The following STXBP6 variants were observed in gnomAD, a reference collection of about 807,000 sequenced individuals.
The protein encoded by STXBP6 is syntaxin-binding protein 6.
In STXBP6, 21 loss-of-function variants were observed where a neutral mutation model predicts 26.9. The observed-to-expected ratio is 0.78, with a 90% CI of 0.55 to 1.12. The LOEUF is 1.12. Among genes scored for constraint, STXBP6 ranks in the 50% most tolerant of loss-of-function variants. The pLI is 0.00. For synonymous variants in STXBP6, 97 were observed against 92.6 expected (o/e 1.05, Z -0.27); for missense variants, 232 against 257.9 (o/e 0.90, Z 0.69).
intron 5 of STXBP6, chr14:24,816,253 G>C (rs2067971638): frequency 6.6e-6 from 1 of 150,880 alleles, no homozygotes; most frequent in South Asian, 2.2e-4. Context: ...CTTGTCTAGG[G>C]GGTAGAATGC....
intron 1 of STXBP6, among the ~76,000 whole-genome samples, chr14:25,014,950 G>A (rs1172070507): frequency 6.6e-6 from 1 of 152,070 alleles, no homozygotes; most frequent in Non-Finnish European, 1.5e-5. Flanking sequence ...TATTTTAAAT[G>A]TTGGAGAATA....
chr14:25,043,874 G>C (rs2075681751), intron 1 of STXBP6, among the ~76,000 whole-genome samples: 1 of 152,052 alleles, frequency 6.6e-6, no homozygotes, highest in African/African-American at 2.4e-5. Context: ...TTCCACTTTA[G>C]GGCTATTAAG....
intron 4 of STXBP6, among the ~76,000 whole-genome samples, chr14:24,843,037 G>C (rs2068833282): frequency 6.6e-6 from 1 of 152,060 alleles, no homozygotes; most frequent in African/African-American, 2.4e-5. Context: ...CTCTCTAATG[G>C]GGCAGGGGGA....
chr14:24,819,081 C>T lies in STXBP6; in HGVS notation c.565G>A (p.Asp189Asn). 2 of 1,612,892 alleles carry T rather than the reference C, an allele frequency of 1.2e-6. No individual in the cohort carries two copies. Among genetic ancestry groups the T allele is most frequent in the Non-Finnish European group, 8.5e-7 (1 of 1,179,144 alleles). The change falls in exon 5 of 6, where the codon GAC (aspartate) becomes AAC (asparagine). Residue 189 changes from aspartate to asparagine, a missense_variant. Physicochemically the swap from Asp to Asn is conservative, Grantham distance 23 (BLOSUM62 1). Coordinates refer to ENST00000323944, the MANE Select transcript of STXBP6 (RefSeq NM_001394410.1). ...AACTGCTGGGCGCTGTTCTTCAGGT[C>T]TTCTGTCTTCTCCTCTGCTCGGCCT... ...RLGRAEEKTE[D>N]LKNSAQQFAE...
chr14:24,914,434 T>C (rs1171485879), intron 2 of STXBP6, among the ~76,000 whole-genome samples: 1 of 152,232 alleles, frequency 6.6e-6, no homozygotes, highest in Non-Finnish European at 1.5e-5. Flanking sequence ...GCTACTGTAA[T>C]AATTTATTAT....
chr14:24,866,948 A>G (rs1272975), intron 2 of STXBP6, among the ~76,000 whole-genome samples: 137,642 of 152,078 alleles, frequency 0.91, 63,211 homozygotes, highest in East Asian at 1. Context: ...CTAGAAGAGC[A>G]AAAACAACTG....
At chr14:24,874,114 A>T (rs1194732730) in intron 2 of STXBP6, among the ~76,000 whole-genome samples, 6 of 151,962 alleles carry the variant, frequency 3.9e-5, no homozygotes, top group African/African-American at 1.5e-4. Context: ...TTTTTAAGAG[A>T]TGGAGGAAGA....
chr14:24,842,663 C>CTT (rs145788222), intron 4 of STXBP6, among the ~76,000 whole-genome samples: 2 of 148,410 alleles, frequency 1.3e-5, no homozygotes, highest in African/African-American at 4.9e-5. Context: ...TTACTTTTCT[C>CTT]TTTTTTTTTT....
intron 2 of STXBP6, among the ~76,000 whole-genome samples, chr14:24,932,832 T>C (rs2072464647): frequency 6.6e-6 from 1 of 152,090 alleles, no homozygotes; most frequent in Non-Finnish European, 1.5e-5. Context: ...CTATTGTCAT[T>C]TGAGGTAAAA....
At chr14:24,964,176 G>T (rs1453803271) in intron 2 of STXBP6, among the ~76,000 whole-genome samples, 1 of 151,906 alleles carries the variant, frequency 6.6e-6, no homozygotes, top group Non-Finnish European at 1.5e-5. Context: ...AAAGCACTGG[G>T]AACAGAAAGG....
At chr14:24,848,403 T>C (rs2069035100) in intron 4 of STXBP6, among the ~76,000 whole-genome samples, 1 of 152,170 alleles carries the variant, frequency 6.6e-6, no homozygotes, top group Non-Finnish European at 1.5e-5. Flanking sequence ...TCAAGCTGTA[T>C]ATTTATGTCT....
intron 1 of STXBP6, among the ~76,000 whole-genome samples, chr14:25,014,174 G>A (rs760271358): frequency 6.6e-6 from 1 of 152,160 alleles, no homozygotes; most frequent in Non-Finnish European, 1.5e-5. Flanking sequence ...GTACTCCTGT[G>A]TACGTTTGAA....
At chr14:25,008,971 C>T (rs886638068) in intron 1 of STXBP6, among the ~76,000 whole-genome samples, 6 of 152,070 alleles carry the variant, frequency 3.9e-5, no homozygotes, top group Admixed American at 2.0e-4. Flanking sequence ...CTCAGCCAGC[C>T]CACCAGCCAG....
chr14:25,026,317 A>G (rs1299959447), intron 1 of STXBP6, among the ~76,000 whole-genome samples: 3 of 152,298 alleles, frequency 2.0e-5, no homozygotes, highest in Non-Finnish European at 4.4e-5. Context: ...CTGAAAAAAA[A>G]GCTTAGAGAC....
At chr14:24,981,559 G>A (rs1244604306) in intron 1 of STXBP6, among the ~76,000 whole-genome samples, 1 of 152,088 alleles carries the variant, frequency 6.6e-6, no homozygotes, top group Non-Finnish European at 1.5e-5. Flanking sequence ...TGCGTGCCCA[G>A]CCCAGATATG....
At chr14:25,025,912 C>T (rs2075341154) in intron 1 of STXBP6, among the ~76,000 whole-genome samples, 1 of 152,140 alleles carries the variant, frequency 6.6e-6, no homozygotes, top group African/African-American at 2.4e-5. Context: ...AAATAAGGTC[C>T]TGCAAAAATT....
chr14:24,946,542 G>A (rs1478810128), intron 2 of STXBP6, among the ~76,000 whole-genome samples: 1 of 152,166 alleles, frequency 6.6e-6, no homozygotes, highest in East Asian at 1.9e-4. Context: ...TGGTGAAAGA[G>A]GACTGGAAAA....
At chr14:24,871,393 A>G (rs935675093) in intron 2 of STXBP6, among the ~76,000 whole-genome samples, 1 of 152,304 alleles carries the variant, frequency 6.6e-6, no homozygotes, top group African/African-American at 2.4e-5. Flanking sequence ...AGAAAAGATT[A>G]AAAAATGAAA....
intron 2 of STXBP6, among the ~76,000 whole-genome samples, chr14:24,962,286 A>ATTTT (rs1555333759): frequency 1.1e-4 from 15 of 142,674 alleles, no homozygotes; most frequent in Admixed American, 2.2e-4. Flanking sequence ...AGTACAAGAT[A>ATTTT]TTTTATTTAT....
Sources: allele counts gnomAD v4.1 joint callset (sites outside exome capture counted in the v4.1 genomes callset), GRCh38; gene constraint gnomAD v4.1.1; transcripts MANE v1.5; gene names NCBI Gene and HGNC (gene_info 2026-07-23, HGNC 2026-07-21).